Variants in RPTOR observed in about 807,000 individuals in gnomAD.
RPTOR encodes regulatory associated protein of MTOR complex 1.
In RPTOR, 21 loss-of-function variants were observed where a neutral mutation model predicts 169.9. The ratio of observed to expected loss-of-function variants is 0.12; its 90% CI spans 0.09 to 0.18. The LOEUF (loss-of-function observed/expected upper bound fraction) is 0.18, where lower values mean the gene tolerates loss of function less well. RPTOR is among the 10% of genes least tolerant of loss of function. The probability of loss-of-function intolerance (pLI) is 1.00; values close to 1 mark genes in which losing one functional copy is unlikely to be tolerated. For synonymous variants in RPTOR, 732 were observed against 753.2 expected (o/e 0.97, Z 0.46); for missense variants, 1,133 against 1,855.9 (o/e 0.61, Z 7.16).
At chr17:80,613,121 C>T (rs971679077) in intron 1 of RPTOR, among the ~76,000 whole-genome samples, 22 of 152,092 alleles carry the variant, frequency 1.4e-4, no homozygotes, top group Admixed American at 1.0e-3. Context: ...TCATCCTGTC[C>T]GAGAGTCCTG....
At chr17:80,627,765 G>T (rs1479056550) in intron 2 of RPTOR, among the ~76,000 whole-genome samples, 4 of 151,740 alleles carry the variant, frequency 2.6e-5, no homozygotes, top group Admixed American at 6.6e-5. Flanking sequence ...CTTGATCTTT[G>T]TGTGGACATA....
At chr17:80,945,908 G>A in intron 26 of RPTOR, 127 bp downstream of exon 26, 2 of 525,192 alleles carry the variant, frequency 3.8e-6, no homozygotes, top group Non-Finnish European at 3.2e-6. Flanking sequence ...GAGGCCCTTA[G>A]CACTGTTTCC....
chr17:80,592,371 G>A (rs1367560167), intron 1 of RPTOR, among the ~76,000 whole-genome samples: 2 of 152,170 alleles, frequency 1.3e-5, no homozygotes, highest in Non-Finnish European at 2.9e-5. Flanking sequence ...GTAAGGGATC[G>A]TAGGGGTAGG....
At chr17:80,551,195 T>G (rs1316924231) in intron 1 of RPTOR, among the ~76,000 whole-genome samples, 1 of 151,990 alleles carries the variant, frequency 6.6e-6, no homozygotes, top group Non-Finnish European at 1.5e-5. Flanking sequence ...GCCAGAGGGA[T>G]TTTTTGAAAG....
chr17:80,897,903 C>G (rs2068426537), intron 20 of RPTOR, among the ~76,000 whole-genome samples: 3 of 146,588 alleles, frequency 2.0e-5, no homozygotes. Flanking sequence ...AAAACAAAAA[C>G]AAAACAAAAC....
chr17:80,796,000 C>T (rs1023838349), intron 7 of RPTOR, among the ~76,000 whole-genome samples: 4 of 152,208 alleles, frequency 2.6e-5, no homozygotes, highest in Admixed American at 6.5e-5. Flanking sequence ...GAGGCACCTA[C>T]GACTCCCAGG....
intron 10 of RPTOR, among the ~76,000 whole-genome samples, chr17:80,840,648 A>C (rs2067626701): frequency 1.7e-5 from 1 of 60,170 alleles, no homozygotes; most frequent in African/African-American, 4.4e-5. Context: ...ACGGCAGCTC[A>C]CTCTCACCAC....
intron 5 of RPTOR, among the ~76,000 whole-genome samples, chr17:80,742,716 CCA>C (rs1217171403): frequency 1.3e-5 from 2 of 151,414 alleles, no homozygotes; most frequent in East Asian, 3.9e-4. Context: ...ATAGACACAC[CCA>C]CACACATACA....
At chr17:80,728,246 A>G (rs953966684) in intron 4 of RPTOR, among the ~76,000 whole-genome samples, 1 of 152,334 alleles carries the variant, frequency 6.6e-6, no homozygotes, top group East Asian at 1.9e-4. Context: ...ATTCTCTGTC[A>G]TGTACTGTGT....
intron 5 of RPTOR, among the ~76,000 whole-genome samples, chr17:80,742,449 AC>A (rs1458345551): frequency 1.4e-3 from 43 of 30,144 alleles, no homozygotes; most frequent in Non-Finnish European, 8.1e-5. Context: ...AGGAGCAGGT[AC>A]ACACACACAC....
chr17:80,955,075 A>G (rs2069231454), intron 28 of RPTOR, among the ~76,000 whole-genome samples: 1 of 152,292 alleles, frequency 6.6e-6, no homozygotes, highest in African/African-American at 2.4e-5. Flanking sequence ...ATGGCACCAT[A>G]GCCATGGATG....
intron 1 of RPTOR, among the ~76,000 whole-genome samples, chr17:80,546,878 G>C (rs911109145): frequency 6.6e-6 from 1 of 152,074 alleles, no homozygotes; most frequent in Non-Finnish European, 1.5e-5. Flanking sequence ...AGACCAGCCC[G>C]GCCAACATGG....
At chr17:80,884,791 C>T (rs944082387) in intron 16 of RPTOR, among the ~76,000 whole-genome samples, 6 of 152,238 alleles carry the variant, frequency 3.9e-5, no homozygotes, top group Non-Finnish European at 7.3e-5. Context: ...CCCGCCTCTG[C>T]AGTCTGAGCT....
At chr17:80,756,811 A>G (rs1255692873) in intron 6 of RPTOR, among the ~76,000 whole-genome samples, 2 of 152,236 alleles carry the variant, frequency 1.3e-5, no homozygotes, top group Non-Finnish European at 2.9e-5. Context: ...TGGAGCCCCA[A>G]AATACATACA....
intron 13 of RPTOR, among the ~76,000 whole-genome samples, chr17:80,859,541 A>T (rs1420370861): frequency 6.6e-6 from 1 of 152,206 alleles, no homozygotes; most frequent in African/African-American, 2.4e-5. Context: ...AAGCCAAGTC[A>T]GTCTTGCTCT....
rs541928425 is a variant in RPTOR at position 80,710,657 on chromosome 17, G to A, written c.507+2658G>A. On this transcript the variant is annotated intron_variant, in intron 4 of 33. Transcript: ENST00000306801. ...TTCTCCCTTAGGCTGGTGCTACGTTGAATGATACTGTATGACCATCTCCTG... is the reference window on the plus strand; with the variant it reads ...TTCTCCCTTAGGCTGGTGCTACGTTAAATGATACTGTATGACCATCTCCTG... 2.6e-5 allele frequency among the ~76,000 whole-genome samples: 4 copies of A among 151,562 alleles called. No individual in the cohort carries two copies. In the South Asian group the frequency reaches 8.3e-4, roughly 32 times the overall value.
chr17:80,874,502 A>G (rs994157436), intron 13 of RPTOR, among the ~76,000 whole-genome samples: 3 of 152,174 alleles, frequency 2.0e-5, no homozygotes, highest in East Asian at 1.9e-4. Flanking sequence ...CAATGTGTCT[A>G]TATTAATATA....
At chr17:80,625,056 C>G (rs1050359979) in intron 1 of RPTOR, among the ~76,000 whole-genome samples, 3 of 152,058 alleles carry the variant, frequency 2.0e-5, no homozygotes, top group Non-Finnish European at 4.4e-5. Flanking sequence ...CCAGGTGACC[C>G]GGGGGAGGGG....
At chr17:80,669,684 A>G (rs2065807362) in intron 3 of RPTOR, among the ~76,000 whole-genome samples, 1 of 152,202 alleles carries the variant, frequency 6.6e-6, no homozygotes, top group African/African-American at 2.4e-5. Context: ...CGCCCGGCCC[A>G]GTAGTTCACT....
Sources: gnomAD v4.1 joint callset for allele counts (sites outside exome capture counted in the v4.1 genomes callset) on GRCh38, gnomAD v4.1.1 for gene constraint, MANE v1.5 for transcripts, NCBI Gene and HGNC (gene_info 2026-07-23, HGNC 2026-07-21) for gene names.